AGBL4: variants seen among roughly 807,000 people sequenced by gnomAD.
AGBL4 encodes the protein AGBL carboxypeptidase 4.
In AGBL4, 58 loss-of-function variants were observed where a neutral mutation model predicts 66.4. That is an observed-to-expected ratio of 0.87 (90% CI 0.71 to 1.09). The LOEUF (loss-of-function observed/expected upper bound fraction) is 1.09, where lower values mean the gene tolerates loss of function less well. AGBL4 is among the 50% of genes least tolerant of loss of function. The pLI is 0.00. For missense variants in AGBL4, 579 were observed against 631.0 expected, an observed-to-expected ratio of 0.92 and a Z score of 0.88; for synonymous variants, 234 against 222.9, an observed-to-expected ratio of 1.05 and a Z score of -0.44.
At chr1:48,597,280 T>C (rs1278013121) in intron 9 of AGBL4, among the ~76,000 whole-genome samples, 1 of 152,236 alleles carries the variant, frequency 6.6e-6, no homozygotes, top group Admixed American at 6.5e-5. Flanking sequence ...GAACCTACTA[T>C]GTTCCTGGTG....
intron 10 of AGBL4, among the ~76,000 whole-genome samples, chr1:48,587,863 C>T (rs569909869): frequency 1.1e-4 from 17 of 151,650 alleles, no homozygotes; most frequent in East Asian, 3.9e-4. Flanking sequence ...AGGATGGTCT[C>T]GATCTCCTGA....
chr1:49,653,580 T>C (rs1278304492), intron 3 of AGBL4, among the ~76,000 whole-genome samples: 1 of 151,596 alleles, frequency 6.6e-6, no homozygotes, highest in African/African-American at 2.4e-5. Flanking sequence ...TGACAAAACA[T>C]TACAGGAACT....
chr1:48,579,915 C>CAAAAAA (rs35518235), intron 11 of AGBL4, among the ~76,000 whole-genome samples: 2 of 65,734 alleles, frequency 3.0e-5, no homozygotes, highest in African/African-American at 5.9e-5. Context: ...GACTCCGCCT[C>CAAAAAA]AAAAAAAAAA....
chr1:49,635,730 G>A (rs1245055077), intron 3 of AGBL4, among the ~76,000 whole-genome samples: 2 of 152,148 alleles, frequency 1.3e-5, no homozygotes. Context: ...AAATAAAAAT[G>A]AGGAAACAAG....
At chr1:49,367,571 T>A (rs959434637) in intron 3 of AGBL4, among the ~76,000 whole-genome samples, 1 of 152,190 alleles carries the variant, frequency 6.6e-6, no homozygotes, top group Non-Finnish European at 1.5e-5. Flanking sequence ...AGTAGACTGA[T>A]ACACTGGCTG....
chr1:49,431,878 C>A (rs1198628122), intron 3 of AGBL4, among the ~76,000 whole-genome samples: 2 of 152,008 alleles, frequency 1.3e-5, no homozygotes, highest in Admixed American at 1.3e-4. Flanking sequence ...ATACAGGCCT[C>A]CATAACAACT....
At chr1:49,663,206 G>A (rs1335783378) in intron 3 of AGBL4, among the ~76,000 whole-genome samples, 1 of 152,086 alleles carries the variant, frequency 6.6e-6, no homozygotes, top group African/African-American at 2.4e-5. Context: ...ACATAGAAGG[G>A]CAGAGACAAC....
chr1:49,019,497 T>G (rs1005982420), intron 5 of AGBL4, among the ~76,000 whole-genome samples: 2 of 152,168 alleles, frequency 1.3e-5, no homozygotes, highest in African/African-American at 4.8e-5. Context: ...CAGAAATAAA[T>G]TAACTGGAGC....
At chr1:49,708,007 GATGA>G (rs1358337892) in intron 2 of AGBL4, among the ~76,000 whole-genome samples, 2 of 152,014 alleles carry the variant, frequency 1.3e-5, no homozygotes, top group African/African-American at 4.8e-5. Context: ...TTTCAACCTT[GATGA>G]ATCTGACGAT....
In AGBL4 at chr1:48,771,963, G is replaced by A. The variant is rs181364762; in HGVS notation, c.634+95228C>T. On this transcript the variant is annotated intron_variant, in intron 6 of 13. Coordinates refer to ENST00000371839, the MANE Select transcript of AGBL4 (RefSeq NM_032785.4). ...GTTGAATGAAAACTTAAAATCCTAC[G>A]GCAGGTTTCTGTTCTGAAAAACAAG... Among the ~76,000 whole-genome samples, 315 of 152,228 alleles carry A rather than the reference G, an allele frequency of 2.1e-3. 2 individuals carry two copies. Among genetic ancestry groups the A allele is most frequent in the African/African-American group, 6.9e-3 (285 of 41,546 alleles).
chr1:48,583,612 G>A (rs927626743), intron 11 of AGBL4, among the ~76,000 whole-genome samples: 1 of 152,180 alleles, frequency 6.6e-6, no homozygotes, highest in African/African-American at 2.4e-5. Flanking sequence ...CCTTTGTAAT[G>A]GTGAGGAAGC....
At chr1:49,734,611 T>TA (rs201803770) in intron 2 of AGBL4, among the ~76,000 whole-genome samples, 8 of 151,704 alleles carry the variant, frequency 5.3e-5, no homozygotes, top group East Asian at 1.9e-4. Flanking sequence ...ATGCAAGCTA[T>TA]AAAAAAAATG....
At chr1:49,316,109 G>A (rs914718586) in intron 3 of AGBL4, among the ~76,000 whole-genome samples, 1 of 151,934 alleles carries the variant, frequency 6.6e-6, no homozygotes, top group Non-Finnish European at 1.5e-5. Context: ...GGAGAAGGGA[G>A]GGAGAAAGGG....
chr1:49,261,214 C>G (rs1370821462), intron 3 of AGBL4, among the ~76,000 whole-genome samples: 1 of 150,900 alleles, frequency 6.6e-6, no homozygotes, highest in East Asian at 2.0e-4. Context: ...ACTGAATGGG[C>G]AAAAACTGGA....
intron 3 of AGBL4, among the ~76,000 whole-genome samples, chr1:49,402,290 T>C (rs1016203696): frequency 1.3e-5 from 2 of 152,230 alleles, no homozygotes; most frequent in Non-Finnish European, 1.5e-5. Flanking sequence ...GGAATATTTC[T>C]TCTTTTTGGT....
At chr1:48,630,725 C>T (rs544637047) in intron 9 of AGBL4, among the ~76,000 whole-genome samples, 63 of 152,358 alleles carry the variant, frequency 4.1e-4, no homozygotes, top group African/African-American at 1.5e-3. Flanking sequence ...TTAAAATCCT[C>T]AGTGGCTCCC....
intron 3 of AGBL4, among the ~76,000 whole-genome samples, chr1:49,576,290 C>G (rs1437015109): frequency 2.0e-5 from 3 of 152,188 alleles, no homozygotes; most frequent in Non-Finnish European, 4.4e-5. Flanking sequence ...GGAGAAGGCT[C>G]TGCAACAGGT....
intron 2 of AGBL4, among the ~76,000 whole-genome samples, chr1:49,761,249 T>G (rs1449142629): frequency 6.6e-6 from 1 of 152,084 alleles, no homozygotes; most frequent in Non-Finnish European, 1.5e-5. Context: ...GAGTTTATTT[T>G]AAAAAGAAGG....
chr1:49,351,565 G>A (rs964302877), intron 3 of AGBL4, among the ~76,000 whole-genome samples: 2 of 151,970 alleles, frequency 1.3e-5, no homozygotes, highest in African/African-American at 4.8e-5. Flanking sequence ...TATATAAGGT[G>A]GGAATGAGAT....
Sources: allele counts gnomAD v4.1 joint callset (sites outside exome capture counted in the v4.1 genomes callset), GRCh38; gene constraint gnomAD v4.1.1; transcripts MANE v1.5; gene names NCBI Gene and HGNC (gene_info 2026-07-23, HGNC 2026-07-21).